CCDC171: variants seen among roughly 807,000 people sequenced by gnomAD.
CCDC171 encodes coiled-coil domain-containing protein 171.
Under a neutral mutation model 168.2 loss-of-function variants are expected in CCDC171, and 177 were observed. The observed-to-expected ratio is 1.05, with a 90% CI of 0.93 to 1.19. The LOEUF (loss-of-function observed/expected upper bound fraction) is 1.19, where lower values mean the gene tolerates loss of function less well. Among genes scored for constraint, CCDC171 ranks in the 50% most tolerant of loss-of-function variants. The probability of loss-of-function intolerance (pLI) is 0.00; values close to 1 mark genes in which losing one functional copy is unlikely to be tolerated. For missense variants in CCDC171, 1,991 were observed against 1,539.0 expected, an observed-to-expected ratio of 1.29 and a Z score of -4.91; for synonymous variants, 687 against 540.8, an observed-to-expected ratio of 1.27 and a Z score of -3.75.
chr9:15,908,572 G>T (rs1388070557), intron 24 of CCDC171, among the ~76,000 whole-genome samples: 3 of 152,124 alleles, frequency 2.0e-5, no homozygotes, highest in Non-Finnish European at 4.4e-5. Flanking sequence ...TAGTTACTGG[G>T]TGCAGCACAC....
chr9:15,701,227 C>A (rs1466615215), intron 11 of CCDC171, among the ~76,000 whole-genome samples: 2 of 152,140 alleles, frequency 1.3e-5, no homozygotes, highest in Admixed American at 6.5e-5. Context: ...CTTTGCTGGG[C>A]AGAAGCTATG....
In CCDC171 at chr9:15,983,819, T is replaced by A. The variant is rs773481841; in HGVS notation, n.369-36770T>A. ...GGAGGCAAGAGCTAAATAAAGAGAG[T>A]GTGTGTGTGTGTGTGTGTGTGTGTG... On this transcript the variant is annotated intron_variant and non_coding_transcript_variant, in intron 3 of 9. Coordinates refer to the CCDC171 transcript ENST00000486641. 2.0e-3 allele frequency among the ~76,000 whole-genome samples: 279 copies of A among 141,598 alleles called. 1 individual carries two copies. Among genetic ancestry groups the A allele is most frequent in the Non-Finnish European group, 3.0e-3 (190 of 64,240 alleles). 92.9% of individuals were successfully genotyped at this position (141,598 alleles called of 152,430 possible). A position where few individuals can be genotyped will look rare whatever the true frequency, so the allele number is the denominator to read the frequency against.
chr9:16,059,945 G>C (rs1039912033), intron 1 of CCDC171, among the ~76,000 whole-genome samples: 1 of 152,060 alleles, frequency 6.6e-6, no homozygotes, highest in African/African-American at 2.4e-5. Context: ...GCTAACCTGA[G>C]ATGAAGTCTG....
intron 1 of CCDC171, among the ~76,000 whole-genome samples, chr9:16,056,472 T>G (rs1047433355): frequency 6.6e-6 from 1 of 151,378 alleles, no homozygotes; most frequent in Admixed American, 6.6e-5. Context: ...ACAGAGAAGT[T>G]TTTTGTTCTT....
At chr9:15,928,408 G>A (rs529675617) in intron 25 of CCDC171, among the ~76,000 whole-genome samples, 4 of 151,842 alleles carry the variant, frequency 2.6e-5, no homozygotes, top group African/African-American at 7.2e-5. Flanking sequence ...TTGAAGCAGA[G>A]TGGATTAGAT....
At chr9:15,607,757 C>T (rs1280736931) in intron 6 of CCDC171, among the ~76,000 whole-genome samples, 1 of 152,148 alleles carries the variant, frequency 6.6e-6, no homozygotes, top group African/African-American at 2.4e-5. Flanking sequence ...GCCACCATGC[C>T]TGGCCTGCTT....
At chr9:16,000,195 A>G (rs1403961583) in intron 3 of CCDC171, among the ~76,000 whole-genome samples, 1 of 152,208 alleles carries the variant, frequency 6.6e-6, no homozygotes, top group Non-Finnish European at 1.5e-5. Flanking sequence ...CAAAACATGC[A>G]CACACATTTC....
intron 18 of CCDC171, among the ~76,000 whole-genome samples, chr9:15,771,449 C>G (rs1235200567): frequency 6.6e-6 from 1 of 152,056 alleles, no homozygotes; most frequent in African/African-American, 2.4e-5. Flanking sequence ...GGTTGCACAT[C>G]TTTTCATTTG....
intron 21 of CCDC171, among the ~76,000 whole-genome samples, chr9:15,815,470 G>T (rs1396658359): frequency 9.4e-6 from 1 of 105,848 alleles, no homozygotes; most frequent in Non-Finnish European, 2.0e-5. Flanking sequence ...TTCAAATGGA[G>T]TAATCATTAT....
intron 25 of CCDC171, among the ~76,000 whole-genome samples, chr9:15,962,951 T>G (rs953966174): frequency 6.6e-6 from 1 of 152,024 alleles, no homozygotes; most frequent in Non-Finnish European, 1.5e-5. Flanking sequence ...TGAACATGTT[T>G]TTTTCACTTG....
chr9:15,716,296 G>C (rs1170522343), intron 11 of CCDC171, among the ~76,000 whole-genome samples: 1 of 152,114 alleles, frequency 6.6e-6, no homozygotes, highest in Non-Finnish European at 1.5e-5. Context: ...AGCTAATTAT[G>C]ATCACTGTTC....
intron 10 of CCDC171, among the ~76,000 whole-genome samples, chr9:15,692,024 T>G (rs919021721): frequency 5.9e-5 from 9 of 152,200 alleles, no homozygotes; most frequent in East Asian, 3.8e-4. Context: ...AGTCTCTATC[T>G]GGACTTCTTG....
intron 25 of CCDC171, among the ~76,000 whole-genome samples, chr9:15,949,453 A>G (rs1203611503): frequency 6.6e-6 from 1 of 152,186 alleles, no homozygotes; most frequent in African/African-American, 2.4e-5. Context: ...CCTACACATG[A>G]GCATGGAATG....
chr9:15,938,626 T>A (rs1356788847), intron 25 of CCDC171, among the ~76,000 whole-genome samples: 1 of 151,880 alleles, frequency 6.6e-6, no homozygotes, highest in African/African-American at 2.4e-5. Context: ...TATATTGCAT[T>A]TGTTCTTAAG....
intron 21 of CCDC171, among the ~76,000 whole-genome samples, chr9:15,810,517 A>C (rs1416373396): frequency 2.6e-5 from 4 of 152,126 alleles, no homozygotes; most frequent in Admixed American, 6.5e-5. Flanking sequence ...GGGCTCGGGC[A>C]TGGCGGGCTG....
chr9:15,833,272 A>T (rs1303151531), intron 21 of CCDC171, among the ~76,000 whole-genome samples: 1 of 152,126 alleles, frequency 6.6e-6, no homozygotes, highest in African/African-American at 2.4e-5. Flanking sequence ...GATTACAGGC[A>T]TGAACCACCA....
downstream of CCDC171, among the ~76,000 whole-genome samples, chr9:16,062,188 AC>A (rs750412655): frequency 6.6e-6 from 1 of 152,210 alleles, no homozygotes; most frequent in Non-Finnish European, 1.5e-5. Flanking sequence ...AAACAAAAAA[AC>A]AAAACAAACA....
chr9:15,915,201 A>G (rs1346413446), intron 24 of CCDC171, among the ~76,000 whole-genome samples: 1 of 152,196 alleles, frequency 6.6e-6, no homozygotes, highest in African/African-American at 2.4e-5. Flanking sequence ...CATTGGATCT[A>G]TAGATTGCTT....
intron 3 of CCDC171, among the ~76,000 whole-genome samples, chr9:15,999,247 A>C (rs1342708128): frequency 6.7e-6 from 1 of 150,002 alleles, no homozygotes; most frequent in Non-Finnish European, 1.5e-5. Flanking sequence ...TAGAAAGAAA[A>C]GAAAGAAAGA....
Sources: gnomAD v4.1 joint callset for allele counts (sites outside exome capture counted in the v4.1 genomes callset) on GRCh38, gnomAD v4.1.1 for gene constraint, MANE v1.5 for transcripts, NCBI Gene and HGNC (gene_info 2026-07-23, HGNC 2026-07-21) for gene names.